ESRRG: variants seen among roughly 807,000 people sequenced by gnomAD.
The protein encoded by ESRRG is estrogen related receptor gamma.
Under a neutral mutation model 44.0 loss-of-function variants are expected in ESRRG, and 13 were observed. The observed-to-expected ratio is 0.30, with a 90% CI of 0.19 to 0.47. The LOEUF is 0.47. Ranked by LOEUF, ESRRG falls within the 20% of genes least tolerant of loss-of-function variation. ESRRG has a pLI of 1.00. For missense variants in ESRRG, 395 were observed against 580.6 expected (o/e 0.68, Z 3.29); for synonymous variants, 215 against 214.6 (o/e 1.00, Z -0.02).
Position 216,624,649 on chromosome 1 carries a change from G to A in ESRRG, c.589+26324C>T, listed in dbSNP as rs560001407. ...GCTATTCGTGAGCTAATACATAACC[G>A]AACCTTCATCTTTATGCCTCTGTTC... is the stretch of plus-strand genomic sequence containing the variant. On this transcript the variant is annotated intron_variant, in intron 3 of 6. Transcript: ENST00000408911. Among the ~76,000 whole-genome samples, 104 of 152,148 alleles carry A rather than the reference G, an allele frequency of 6.8e-4. 2 individuals carry two copies. The South Asian group carries it at 0.018, about 26-fold the overall frequency.
intron 2 of ESRRG, among the ~76,000 whole-genome samples, chr1:216,900,107 C>T (rs1436884): frequency 0.088 from 13,441 of 152,082 alleles, 1,586 homozygotes; most frequent in African/African-American, 0.27. Context: ...AGTGATTTTA[C>T]CCTACAGAAT....
Position 216,922,017 on chromosome 1 carries a change from G to A in ESRRG, c.-14+17565C>T, listed in dbSNP as rs113069902. On this transcript the variant is annotated intron_variant, in intron 2 of 7. Coordinates refer to the ESRRG transcript ENST00000359162. ...TGTGAGTGGGTGTGCACTGCTTTGG[G>A]CCAGTCAACAGTGGGATAACACCGC... Among the ~76,000 whole-genome samples the A allele has an allele frequency of 1.0e-2, 1,520 of 152,258 alleles. 26 individuals are homozygous for A. The highest frequency in any genetic ancestry group is 0.035 in the African/African-American group (1,463 of 41,532).
chr1:216,855,369 A>G (rs971233789), intron 2 of ESRRG, among the ~76,000 whole-genome samples: 4 of 152,136 alleles, frequency 2.6e-5, no homozygotes, highest in Admixed American at 6.5e-5. Context: ...CTTTGGTGCC[A>G]GTCACTGGGA....
At chr1:216,767,329 G>GA (rs1223996091) in intron 2 of ESRRG, among the ~76,000 whole-genome samples, 1 of 151,972 alleles carries the variant, frequency 6.6e-6, no homozygotes, top group Non-Finnish European at 1.5e-5. Context: ...CACTATTTCT[G>GA]AAAAATAAGG....
At chr1:216,644,388 C>A (rs1394279453) in intron 3 of ESRRG, among the ~76,000 whole-genome samples, 1 of 151,082 alleles carries the variant, frequency 6.6e-6, no homozygotes, top group East Asian at 1.9e-4. Context: ...CAACACTGAG[C>A]ATCTCTGTAA....
chr1:216,603,078 A>G (rs1340350953), intron 3 of ESRRG, among the ~76,000 whole-genome samples: 1 of 152,202 alleles, frequency 6.6e-6, no homozygotes, highest in African/African-American at 2.4e-5. Flanking sequence ...TGCTATCTAC[A>G]CTGATCAGAA....
At chr1:217,104,581 A>G (rs1430239781) in intron 1 of ESRRG, among the ~76,000 whole-genome samples, 1 of 152,180 alleles carries the variant, frequency 6.6e-6, no homozygotes, top group Non-Finnish European at 1.5e-5. Flanking sequence ...CAATTTTTAA[A>G]GGATGATGGG....
At chr1:216,999,907 A>G (rs2076812869) in intron 1 of ESRRG, among the ~76,000 whole-genome samples, 1 of 152,162 alleles carries the variant, frequency 6.6e-6, no homozygotes, top group Admixed American at 6.5e-5. Flanking sequence ...GTTTGTTTCT[A>G]AAAGGGGAAA....
At chr1:217,110,098 C>T (rs1374840656) in intron 1 of ESRRG, among the ~76,000 whole-genome samples, 2 of 152,176 alleles carry the variant, frequency 1.3e-5, no homozygotes, top group Non-Finnish European at 2.9e-5. Flanking sequence ...AGTCACCAAA[C>T]ACATGGCACC....
chr1:216,981,924 A>T (rs1244013163), intron 1 of ESRRG, among the ~76,000 whole-genome samples: 1 of 152,216 alleles, frequency 6.6e-6, no homozygotes, highest in African/African-American at 2.4e-5. Flanking sequence ...AGCATGACCA[A>T]GCGATTAGCG....
At chr1:216,941,532 C>T (rs2065223414) in intron 1 of ESRRG, among the ~76,000 whole-genome samples, 1 of 152,112 alleles carries the variant, frequency 6.6e-6, no homozygotes, top group African/African-American at 2.4e-5. Flanking sequence ...CCCACACCAA[C>T]AACTATCTCA....
chr1:216,532,965 T>C (rs1000559074), intron 5 of ESRRG, among the ~76,000 whole-genome samples: 5 of 152,174 alleles, frequency 3.3e-5, no homozygotes, highest in African/African-American at 1.2e-4. Flanking sequence ...AGCATATCTA[T>C]TTCTTACCGA....
intron 5 of ESRRG, among the ~76,000 whole-genome samples, chr1:216,560,219 AT>A (rs904604564): frequency 4.6e-5 from 7 of 152,230 alleles, no homozygotes; most frequent in South Asian, 2.1e-4. Flanking sequence ...AATTATAGGA[AT>A]TTTTTTCTAT....
At chr1:216,582,132 G>C (rs1220489713) in intron 3 of ESRRG, among the ~76,000 whole-genome samples, 1 of 152,160 alleles carries the variant, frequency 6.6e-6, no homozygotes. Context: ...TTTAAAATGT[G>C]ATTTTGTAGG....
At position 216,665,055 on chromosome 1, in the gene ESRRG, G is replaced by A. The variant is rs117473100; in HGVS notation, c.472+12021C>T. ...AATGTAGTAGTCCTCTCTTATTTGCGATTTCACTTTCAGCGGTTTCAATTA... is the reference window on the plus strand; with the variant it reads ...AATGTAGTAGTCCTCTCTTATTTGCAATTTCACTTTCAGCGGTTTCAATTA... On this transcript the variant is annotated intron_variant, in intron 2 of 6. Coordinates refer to ENST00000408911, the MANE Select transcript of ESRRG (RefSeq NM_001438.4). Among the ~76,000 whole-genome samples, 125 of 152,238 alleles carry A rather than the reference G, an allele frequency of 8.2e-4. 1 individual carries two copies. In the East Asian group the frequency reaches 0.02, roughly 24 times the overall value.
intron 1 of ESRRG, among the ~76,000 whole-genome samples, chr1:216,686,557 C>T (rs1310954441): frequency 3.3e-5 from 5 of 151,752 alleles, no homozygotes; most frequent in Admixed American, 3.3e-4. Context: ...TGTCGTTTGT[C>T]ACATTCAAAA....
chr1:216,688,149 G>GA (rs927993103), intron 1 of ESRRG, among the ~76,000 whole-genome samples: 1 of 152,138 alleles, frequency 6.6e-6, no homozygotes, highest in Non-Finnish European at 1.5e-5. Context: ...CTGTAATTAA[G>GA]AAAAAAATTT....
intron 1 of ESRRG, among the ~76,000 whole-genome samples, chr1:217,104,296 T>C (rs889339338): frequency 9.9e-5 from 15 of 152,136 alleles, no homozygotes; most frequent in African/African-American, 3.6e-4. Context: ...TTCTTAATTG[T>C]GGAAGATGCT....
intron 1 of ESRRG, chr1:217,078,507 A>T (rs980945733): frequency 2.6e-5 from 4 of 152,234 alleles, no homozygotes; most frequent in African/African-American, 9.7e-5. Context: ...ACCCCAGCAG[A>T]CTCACCACAG....
Sources: allele counts gnomAD v4.1 joint callset (sites outside exome capture counted in the v4.1 genomes callset), GRCh38; gene constraint gnomAD v4.1.1; transcripts MANE v1.5; gene names NCBI Gene and HGNC (gene_info 2026-07-23, HGNC 2026-07-21).